Variants in ZNF516 observed in about 807,000 individuals in gnomAD.
The protein encoded by ZNF516 is zinc finger protein 516.
In ZNF516, 19 loss-of-function variants were observed where a neutral mutation model predicts 79.7. The ratio of observed to expected loss-of-function variants is 0.24; its 90% CI spans 0.17 to 0.35. The LOEUF (loss-of-function observed/expected upper bound fraction) is 0.35. Ranked by LOEUF, ZNF516 falls within the 10% of genes least tolerant of loss-of-function variation. ZNF516 has a pLI of 1.00. For synonymous variants in ZNF516, 877 were observed against 739.5 expected (o/e 1.19, Z -3.02); for missense variants, 1,678 against 1,679.5 (o/e 1.00, Z 0.02).
chr18:76,379,477 C>A lies in ZNF516; in HGVS notation c.2637G>T (p.Ala879=), dbSNP rs765077822. ...TCTGTCGATACCCGTCAGGGCCGGG[C>A]GCCCACAGAGCGCAGGGACCTCCGG... The part of the protein sequence containing the change: ...SHSGGPCALW[A]PGPDGYRQTK... The change falls in exon 4 of 7, where the codon GCG becomes GCT. Residue 879 remains alanine (A), a synonymous_variant. Transcript: ENST00000443185. The A allele has an allele frequency of 6.2e-7, 1 of 1,613,640 alleles. No homozygotes were observed.
chr18:76,437,035 C>A (rs1477809339), intron 3 of ZNF516, among the ~76,000 whole-genome samples: 1 of 144,988 alleles, frequency 6.9e-6, no homozygotes, highest in Non-Finnish European at 1.5e-5. Context: ...CCACTGCACT[C>A]CAGCCTGGGT....
At chr18:76,461,487 A>G (rs1913106288) in intron 2 of ZNF516, among the ~76,000 whole-genome samples, 1 of 152,328 alleles carries the variant, frequency 6.6e-6, no homozygotes, top group African/African-American at 2.4e-5. Context: ...ACACCACTTG[A>G]GAAGCCCTGG....
In ZNF516 at chr18:76,362,459, G is replaced by C; in HGVS notation, c.*39C>G. On this transcript the variant is annotated 3_prime_UTR_variant, in exon 7 of 7. Transcript: ENST00000443185. ...GGGACATCGTGAGGGTACTGCTAAT[G>C]GCCGTTACGGGGACCTGGGGTGCGT... is the stretch of plus-strand genomic sequence containing the variant. 6.2e-7 allele frequency: 1 copy of C among 1,604,956 alleles called. No individual in the cohort carries two copies. The highest frequency in any genetic ancestry group is 8.5e-7 in the Non-Finnish European group (1 of 1,173,388).
chr18:76,468,528 C>T (rs963971700), intron 1 of ZNF516, among the ~76,000 whole-genome samples: 3 of 151,778 alleles, frequency 2.0e-5, no homozygotes, highest in Non-Finnish European at 4.4e-5. Context: ...GCGATCCTCC[C>T]ACCTTGGCCT....
chr18:76,434,294 AC>A (rs561715389), intron 3 of ZNF516, among the ~76,000 whole-genome samples: 53 of 152,332 alleles, frequency 3.5e-4, no homozygotes, highest in African/African-American at 1.2e-3. Flanking sequence ...TCTTCACGAC[AC>A]AGCAACAATG....
rs916885777 is a variant in ZNF516, at chr18:76,408,322, G to A, written c.1811-28019C>T. Reference sequence around the variant, plus strand: ...GTGAACTGATCCTCATCCAAGAGGTGCTGCAGGCTGGTGTGGACAGCAAGC... The same window carrying A: ...GTGAACTGATCCTCATCCAAGAGGTACTGCAGGCTGGTGTGGACAGCAAGC... On this transcript the variant is annotated intron_variant, in intron 3 of 6. Coordinates refer to ENST00000443185, the MANE Select transcript of ZNF516 (RefSeq NM_014643.4). 3.9e-5 allele frequency among the ~76,000 whole-genome samples: 6 copies of A among 152,346 alleles called. No individual in the cohort carries two copies. In the South Asian group the frequency reaches 1.2e-3, roughly 32 times the overall value.
intron 2 of ZNF516, among the ~76,000 whole-genome samples, chr18:76,449,093 G>A (rs977788317): frequency 2.6e-5 from 4 of 152,072 alleles, no homozygotes; most frequent in African/African-American, 9.7e-5. Flanking sequence ...CCCACATCCT[G>A]TCGGCTGCAC....
rs905500631 is a variant in ZNF516 at position 76,357,854 on chromosome 18, T to A, written c.*4644A>T. Reference sequence around the variant, plus strand: ...TTCCGTCCGCGTCCATCCCTGTGCGTCCTGTATGGGTGACAGTGCAAGGGT... The same window carrying A: ...TTCCGTCCGCGTCCATCCCTGTGCGACCTGTATGGGTGACAGTGCAAGGGT... On this transcript the variant is annotated 3_prime_UTR_variant, in exon 7 of 7. Transcript: ENST00000443185. 1.3e-5 allele frequency among the ~76,000 whole-genome samples: 2 copies of A among 152,150 alleles called. No homozygotes were observed. The highest frequency in any genetic ancestry group is 1.3e-4 in the Admixed American group (2 of 15,276).
At chr18:76,428,672 CAA>C (rs1428221842) in intron 3 of ZNF516, among the ~76,000 whole-genome samples, 1 of 151,600 alleles carries the variant, frequency 6.6e-6, no homozygotes, top group African/African-American at 2.4e-5. Context: ...CGTACCAAAA[CAA>C]GAAAAAAATC....
rs1158606023 is a variant in ZNF516 at position 76,442,476 on chromosome 18, C to T, written c.579G>A (p.Val193=). The T allele has an allele frequency of 6.2e-6, 10 of 1,603,882 alleles. No individual in the cohort carries two copies. The highest frequency in any genetic ancestry group is 8.5e-6 in the Non-Finnish European group (10 of 1,179,648). The change falls in exon 3 of 7, where the codon GTG becomes GTA. Residue 193 remains valine (V), a synonymous_variant. Coordinates refer to ENST00000443185, the MANE Select transcript of ZNF516 (RefSeq NM_014643.4). The stretch of plus-strand genomic sequence containing the variant: ...ACTTGAACGGCTTGTGCGCCTGGTG[C>T]ACGTGCAGCTCCAGGTCCTTCTTAC... ...FERKKDLELH[V]HQAHKPFKCR... is the part of the protein sequence containing the mutation.
chr18:76,443,113 G>A lies in ZNF516; in HGVS notation c.-59C>T. ...AGCTTTCTGTCGCGCGGGCTGCAGG[G>A]ACCGTCCTATCTCTCCATGGTCAGA... On this transcript the variant is annotated 5_prime_UTR_variant, in exon 3 of 7. Coordinates refer to ENST00000443185, the MANE Select transcript of ZNF516 (RefSeq NM_014643.4). The A allele has an allele frequency of 1.3e-6, 2 of 1,517,502 alleles. No homozygotes were observed. Among genetic ancestry groups the A allele is most frequent in the Middle Eastern group, 2.1e-4 (1 of 4,852 alleles). 94.0% of individuals were successfully genotyped at this position (1,517,502 alleles called of 1,614,324 possible).
intron 4 of ZNF516, 43 bp from the exon 5 acceptor site, chr18:76,371,614 T>C (rs1327127147): frequency 6.4e-7 from 1 of 1,561,030 alleles, no homozygotes; most frequent in South Asian, 1.1e-5. Context: ...CGTGGTGGGG[T>C]TGGCGTGGAG....
At chr18:76,456,705 C>T (rs1013019389) in intron 2 of ZNF516, among the ~76,000 whole-genome samples, 1 of 116,086 alleles carries the variant, frequency 8.6e-6, no homozygotes. Context: ...ATCTGGGTAA[C>T]GTAACTCAGA....
chr18:76,389,648 G>C (rs2075043474), intron 3 of ZNF516, among the ~76,000 whole-genome samples: 1 of 152,126 alleles, frequency 6.6e-6, no homozygotes. Flanking sequence ...GTCATTTTTT[G>C]TTCTGTTCAA....
chr18:76,420,605 G>A (rs539459472), intron 3 of ZNF516, among the ~76,000 whole-genome samples: 1 of 152,094 alleles, frequency 6.6e-6, no homozygotes. Flanking sequence ...TTCTAAGTAG[G>A]ACAGATGATC....
chr18:76,490,703 C>A (rs564281658), intron 1 of ZNF516: 32 of 912,514 alleles, frequency 3.5e-5, no homozygotes, highest in Non-Finnish European at 4.2e-5. Context: ...TTCGAAACTG[C>A]ATGGCAGGCT....
rs150982882 is a variant in ZNF516 at position 76,487,638 on chromosome 18, C to G, written c.-272+7506G>C. ...ATTCTTTTCTTACAATAGGTTTGTG[C>G]CTTTTCAAAATTCCTGAAAATCGAA... On this transcript the variant is annotated intron_variant, in intron 1 of 6. Coordinates refer to ENST00000443185, the MANE Select transcript of ZNF516 (RefSeq NM_014643.4). 2.6e-5 allele frequency among the ~76,000 whole-genome samples: 4 copies of G among 152,240 alleles called. No individual in the cohort carries two copies. In the East Asian group the frequency reaches 7.7e-4, roughly 29 times the overall value.
At chr18:76,384,183 G>A (rs2074940121) in intron 3 of ZNF516, among the ~76,000 whole-genome samples, 2 of 152,172 alleles carry the variant, frequency 1.3e-5, no homozygotes, top group South Asian at 4.1e-4. Context: ...GAGAAATTAA[G>A]CGCCACCACT....
At chr18:76,464,050 G>A (rs1021835051) in intron 1 of ZNF516, among the ~76,000 whole-genome samples, 2 of 152,116 alleles carry the variant, frequency 1.3e-5, no homozygotes, top group Non-Finnish European at 2.9e-5. Flanking sequence ...AAGGCCGGGC[G>A]CGGGTGCTCA....
Sources: allele counts gnomAD v4.1 joint callset (sites outside exome capture counted in the v4.1 genomes callset), GRCh38; gene constraint gnomAD v4.1.1; transcripts MANE v1.5; gene names NCBI Gene and HGNC (gene_info 2026-07-23, HGNC 2026-07-21).